ZNF469: variants seen among roughly 807,000 people sequenced by gnomAD.
ZNF469 encodes zinc finger protein 469.
A neutral mutation model predicts 1.0 loss-of-function variants in ZNF469; 1 was observed. The ratio of observed to expected loss-of-function variants is 1.00; its 90% CI spans 0.35 to 4.73. ZNF469 has a LOEUF of 4.73. ZNF469 is among the 30% of genes most tolerant of loss of function. The probability of loss-of-function intolerance (pLI) is 0.16; values close to 1 mark genes in which losing one functional copy is unlikely to be tolerated. For missense variants in ZNF469, 6,100 were observed against 5,356.3 expected, an observed-to-expected ratio of 1.14 and a Z score of -4.33; for synonymous variants, 2,703 against 2,363.4, an observed-to-expected ratio of 1.14 and a Z score of -4.17.
the ZNF469 span, among the ~76,000 whole-genome samples, chr16:88,240,520 G>C: frequency 6.6e-6 from 1 of 152,160 alleles, no homozygotes; most frequent in Non-Finnish European, 1.5e-5. Context: ...TGCAAGAATT[G>C]AAAAGGGAAT....
intron 1 of ZNF469, among the ~76,000 whole-genome samples, chr16:88,414,157 C>G (rs1419617108): frequency 6.6e-6 from 1 of 152,200 alleles, no homozygotes; most frequent in African/African-American, 2.4e-5. Flanking sequence ...GCCTAGATCC[C>G]GAGTCCCCAG....
At chr16:88,117,456 G>C in the ZNF469 span, among the ~76,000 whole-genome samples, 3 of 152,188 alleles carry the variant, frequency 2.0e-5, no homozygotes, top group Non-Finnish European at 4.4e-5. Context: ...TTTTTTACTT[G>C]GAGAGACAAT....
Position 88,435,977 on chromosome 16 carries a change from G to A in ZNF469, c.8507G>A (p.Gly2836Asp), listed in dbSNP as rs1334747515. 2 of 1,550,038 alleles carry A rather than the reference G, an allele frequency of 1.3e-6. No individual in the cohort carries two copies. The highest frequency in any genetic ancestry group is 1.7e-6 in the Non-Finnish European group (2 of 1,146,978). The change falls in exon 3 of 3, where the codon GGC (glycine) becomes GAC (aspartate). Residue 2836 changes from glycine (G) to aspartate (D), a missense_variant. Coordinates refer to ENST00000565624, the MANE Select transcript of ZNF469 (RefSeq NM_001367624.2). The part of the protein sequence containing the change: ...DTQGGVQGPE[G>D]PTPDASGSSA... The stretch of plus-strand genomic sequence containing the variant: ...CAGGGTGGAGTCCAGGGGCCTGAAG[G>A]CCCCACTCCTGATGCCTCTGGCTCC...
chr16:88,207,911 G>C, the ZNF469 span, among the ~76,000 whole-genome samples: 1 of 152,110 alleles, frequency 6.6e-6, no homozygotes, highest in African/African-American at 2.4e-5. Context: ...TCACAGGCTC[G>C]AGGGTGTGGG....
chr16:88,192,056 G>A, the ZNF469 span: 3 of 152,242 alleles, frequency 2.0e-5, no homozygotes, highest in South Asian at 6.2e-4. Context: ...AGAGGCTGGA[G>A]CTCCCTCTTT....
At chr16:88,417,297 G>A (rs1041657055) in intron 1 of ZNF469, among the ~76,000 whole-genome samples, 25 of 152,292 alleles carry the variant, frequency 1.6e-4, no homozygotes, top group South Asian at 6.2e-4. Context: ...CACACTGACC[G>A]AGTCACCCTC....
the ZNF469 span, among the ~76,000 whole-genome samples, chr16:88,219,845 T>C: frequency 1.3e-5 from 2 of 152,196 alleles, no homozygotes; most frequent in African/African-American, 4.8e-5. Flanking sequence ...AGCTCTTTCC[T>C]CTGTCCCCAG....
At chr16:88,234,572 T>A in the ZNF469 span, among the ~76,000 whole-genome samples, 3 of 152,202 alleles carry the variant, frequency 2.0e-5, no homozygotes, top group African/African-American at 7.2e-5. Context: ...TGGCACAGCC[T>A]GTGGATCATC....
chr16:88,375,789 G>A, the ZNF469 span, among the ~76,000 whole-genome samples: 13 of 152,224 alleles, frequency 8.5e-5, no homozygotes, highest in East Asian at 1.9e-4. Context: ...AAGACTAAAC[G>A]AAGGAAATCG....
chr16:88,380,386 CACAG>C (rs1042672035), upstream of ZNF469, among the ~76,000 whole-genome samples: 2 of 52,512 alleles, frequency 3.8e-5, no homozygotes, highest in Non-Finnish European at 5.6e-5. Context: ...CACACGCACT[CACAG>C]ACACGCCCTC....
chr16:88,117,121 G>A, the ZNF469 span, among the ~76,000 whole-genome samples: 1 of 152,032 alleles, frequency 6.6e-6, no homozygotes, highest in African/African-American at 2.4e-5. Context: ...GAGAGTCAGG[G>A]ATGCGTGAGG....
rs554588038 is a variant in ZNF469 at position 88,438,340 on chromosome 16, C to A, written c.10870C>A (p.Arg3624Ser). ...KRAPLVFSGK[R>S]RAPGARGRCA... ...GGCTCCTCTCGTGTTCTCAGGGAAA[C>A]GCAGGGCCCCGGGTGCCCGTGGCAG... is the stretch of plus-strand genomic sequence containing the variant. The change falls in exon 3 of 3, where the codon CGC becomes AGC. Residue 3624 changes from arginine to serine, a missense_variant. Coordinates refer to ENST00000565624, the MANE Select transcript of ZNF469 (RefSeq NM_001367624.2). 3 of 1,550,204 alleles carry A rather than the reference C, an allele frequency of 1.9e-6. No homozygotes were observed. Among genetic ancestry groups the A allele is most frequent in the Admixed American group, 3.9e-5 (2 of 51,004 alleles).
At chr16:88,254,758 C>CAATA in the ZNF469 span, among the ~76,000 whole-genome samples, 83 of 150,972 alleles carry the variant, frequency 5.5e-4, no homozygotes, top group South Asian at 1.0e-3. Flanking sequence ...AACTCTGTCT[C>CAATA]AATAAATAAA....
chr16:88,413,514 C>T (rs1357084527), intron 1 of ZNF469, among the ~76,000 whole-genome samples: 1 of 152,256 alleles, frequency 6.6e-6, no homozygotes, highest in South Asian at 2.1e-4. Flanking sequence ...GGCAGCCCTG[C>T]TCAGCCCCAC....
the ZNF469 span, among the ~76,000 whole-genome samples, chr16:88,142,068 G>C: frequency 2.7e-4 from 41 of 152,362 alleles, no homozygotes; most frequent in Middle Eastern, 6.8e-3. Context: ...GCAGATGATA[G>C]GAAATAGTCC....
intron 1 of ZNF469, among the ~76,000 whole-genome samples, chr16:88,397,472 C>G (rs1186067575): frequency 2.4e-5 from 2 of 84,598 alleles, no homozygotes; most frequent in African/African-American, 1.2e-4. Context: ...ATGGAGCTGG[C>G]AAATTTCAGG....
intron 1 of ZNF469, among the ~76,000 whole-genome samples, chr16:88,420,103 T>C (rs1329061582): frequency 1.3e-5 from 2 of 152,150 alleles, no homozygotes; most frequent in East Asian, 1.9e-4. Flanking sequence ...ACAGGGCACA[T>C]GCACCAGGCC....
chr16:88,395,933 C>G (rs150160544), intron 1 of ZNF469, among the ~76,000 whole-genome samples: 2 of 152,258 alleles, frequency 1.3e-5, no homozygotes, highest in Non-Finnish European at 2.9e-5. Context: ...TGACCCTGGG[C>G]CACCCCAGGT....
Position 88,428,170 on chromosome 16 carries a change from T to C in ZNF469, c.700T>C (p.Ser234Pro). The change falls in exon 3 of 3, where the codon TCC (serine) becomes CCC (proline). Residue 234 changes from serine to proline, a missense_variant. Coordinates refer to ENST00000565624, the MANE Select transcript of ZNF469 (RefSeq NM_001367624.2). Reference sequence around the variant, plus strand: ...CGAATACCAGGCCAGTGGGGCCGACTCCTGGCCTCCCGCTGCTGAGAATAG... The same window carrying C: ...CGAATACCAGGCCAGTGGGGCCGACCCCTGGCCTCCCGCTGCTGAGAATAG... Reference protein sequence around the residue: ...YPEYQASGADSWPPAAENSFP... With the variant: ...YPEYQASGADPWPPAAENSFP... 6.5e-7 allele frequency: 1 copy of C among 1,550,112 alleles called. No homozygotes were observed. Among genetic ancestry groups the C allele is most frequent in the Non-Finnish European group, 8.7e-7 (1 of 1,146,872 alleles).
Sources: gnomAD v4.1 joint callset for allele counts (sites outside exome capture counted in the v4.1 genomes callset) on GRCh38, gnomAD v4.1.1 for gene constraint, MANE v1.5 for transcripts, NCBI Gene and HGNC (gene_info 2026-07-23, HGNC 2026-07-21) for gene names.